SLC24A2: variants seen among roughly 807,000 people sequenced by gnomAD.
SLC24A2 encodes the protein solute carrier family 24 member 2, also known as sodium/potassium/calcium exchanger 2.
Under a neutral mutation model 62.0 loss-of-function variants are expected in SLC24A2, and 36 were observed. The observed-to-expected ratio is 0.58, with a 90% confidence interval of 0.44 to 0.77. The LOEUF (loss-of-function observed/expected upper bound fraction) is 0.77, where lower values mean the gene tolerates loss of function less well. Among genes scored for constraint, SLC24A2 ranks in the 30% least tolerant of loss-of-function variants. The pLI, the probability that SLC24A2 is intolerant of heterozygous loss-of-function variation, is 0.00. For missense variants in SLC24A2, 846 were observed against 817.9 expected (o/e 1.03, Z -0.42); for synonymous variants, 358 against 294.0 (o/e 1.22, Z -2.23).
At chr9:20,063,789 G>A in the SLC24A2 span, among the ~76,000 whole-genome samples, 1 of 152,106 alleles carries the variant, frequency 6.6e-6, no homozygotes. Flanking sequence ...GACATCATTA[G>A]TTATTAAGGA....
chr9:20,130,208 T>C, the SLC24A2 span, among the ~76,000 whole-genome samples: 1 of 152,046 alleles, frequency 6.6e-6, no homozygotes, highest in Non-Finnish European at 1.5e-5. Flanking sequence ...ACCATTGTCT[T>C]AGACACTGAA....
the SLC24A2 span, among the ~76,000 whole-genome samples, chr9:19,979,922 C>A: frequency 6.6e-6 from 1 of 152,142 alleles, no homozygotes; most frequent in Non-Finnish European, 1.5e-5. Flanking sequence ...TGGCTACTCA[C>A]CAAATTCAAC....
At chr9:19,621,350 C>G (rs1032081675) in intron 3 of SLC24A2, among the ~76,000 whole-genome samples, 1 of 152,214 alleles carries the variant, frequency 6.6e-6, no homozygotes, top group Non-Finnish European at 1.5e-5. Context: ...TGTTCTGGTA[C>G]TGGATCAGGT....
the SLC24A2 span, among the ~76,000 whole-genome samples, chr9:20,208,385 T>C: frequency 1.3e-5 from 2 of 152,198 alleles, no homozygotes; most frequent in Admixed American, 1.3e-4. Context: ...TAAGCTTAAG[T>C]GCTTCATTTT....
At chr9:20,266,986 G>A in the SLC24A2 span, among the ~76,000 whole-genome samples, 1 of 151,446 alleles carries the variant, frequency 6.6e-6, no homozygotes, top group Non-Finnish European at 1.5e-5. Context: ...GGTAGCTGAG[G>A]CAGGAACATC....
chr9:19,647,068 G>GCACACA (rs142480390), intron 2 of SLC24A2, among the ~76,000 whole-genome samples: 3,014 of 79,992 alleles, frequency 0.038, 47 homozygotes, highest in Admixed American at 0.05. Context: ...ACACACGCGC[G>GCACACA]CACACACACA....
the SLC24A2 span, among the ~76,000 whole-genome samples, chr9:20,219,767 T>A: frequency 2.0e-3 from 301 of 152,288 alleles, 1 homozygote; most frequent in Middle Eastern, 3.4e-3. Context: ...ACTGAAAATT[T>A]ACTAGACTTG....
rs76567421 is a variant in SLC24A2 at position 19,623,751 on chromosome 9, C to G, written c.931-1452G>C. Among the ~76,000 whole-genome samples the G allele has an allele frequency of 3.8e-3, 581 of 152,236 alleles. 4 individuals are homozygous for G. The highest frequency in any genetic ancestry group is 0.013 in the African/African-American group (531 of 41,536). ...TTAATAATTTTGATTTTTGTAGACA[C>G]CTTTTTGGATTCTGGAGTCAATACC... On this transcript the variant is annotated intron_variant, in intron 2 of 10. Coordinates refer to ENST00000341998, the MANE Select transcript of SLC24A2 (RefSeq NM_020344.4).
chr9:20,057,421 A>G, the SLC24A2 span, among the ~76,000 whole-genome samples: 19 of 152,296 alleles, frequency 1.2e-4, no homozygotes, highest in African/African-American at 4.3e-4. Context: ...GGGTAGATTT[A>G]TCATATTTAC....
chr9:19,731,250 C>G (rs919097218), intron 2 of SLC24A2, among the ~76,000 whole-genome samples: 1 of 152,154 alleles, frequency 6.6e-6, no homozygotes. Context: ...ACTAGTATAA[C>G]TTATCTTCTC....
intron 10 of SLC24A2, among the ~76,000 whole-genome samples, chr9:19,516,953 T>A (rs562911946): frequency 1.6e-4 from 24 of 152,350 alleles, no homozygotes; most frequent in Admixed American, 4.6e-4. Context: ...CTGGGAAAGA[T>A]GTTGACAATT....
chr9:19,711,773 G>C (rs1222335790), intron 2 of SLC24A2, among the ~76,000 whole-genome samples: 2 of 152,102 alleles, frequency 1.3e-5, no homozygotes, highest in Non-Finnish European at 2.9e-5. Flanking sequence ...TCATACCTTA[G>C]AACAAAATCT....
chr9:19,820,005 A>ATG, the SLC24A2 span, among the ~76,000 whole-genome samples: 15 of 125,252 alleles, frequency 1.2e-4, no homozygotes, highest in South Asian at 1.5e-3. Flanking sequence ...ATATATATAT[A>ATG]TGTGTATATA....
intron 10 of SLC24A2, among the ~76,000 whole-genome samples, chr9:19,518,502 A>G (rs1186537469): frequency 1.3e-5 from 2 of 150,514 alleles, no homozygotes; most frequent in Admixed American, 6.6e-5. Context: ...GTTCACTGCA[A>G]CCTCCACCTC....
the SLC24A2 span, among the ~76,000 whole-genome samples, chr9:19,988,726 A>G: frequency 2.0e-5 from 3 of 152,328 alleles, no homozygotes; most frequent in African/African-American, 4.8e-5. Context: ...GGAAGTACCA[A>G]TGCAGGCAGG....
At chr9:19,879,096 CT>C in the SLC24A2 span, among the ~76,000 whole-genome samples, 4 of 152,110 alleles carry the variant, frequency 2.6e-5, no homozygotes, top group Non-Finnish European at 4.4e-5. Flanking sequence ...TCCTCCTTGT[CT>C]TTTTTTCTGT....
the SLC24A2 span, among the ~76,000 whole-genome samples, chr9:20,230,910 A>G: frequency 2.0e-5 from 3 of 152,294 alleles, no homozygotes; most frequent in Admixed American, 2.0e-4. Context: ...TAATTTTTGC[A>G]TAACGTGTAA....
chr9:19,508,759 A>T lies in SLC24A2; in HGVS notation c.*7394T>A, dbSNP rs1458591571. On this transcript the variant is annotated 3_prime_UTR_variant, in exon 11 of 11. Coordinates refer to ENST00000341998, the MANE Select transcript of SLC24A2 (RefSeq NM_020344.4). ...CACTGAGCTATGATTGCACCACTGCACTCTAGCCTGGGTGACAGAGCAAGA... is the reference window on the plus strand; with the variant it reads ...CACTGAGCTATGATTGCACCACTGCTCTCTAGCCTGGGTGACAGAGCAAGA... The T allele has an allele frequency of 6.6e-6, 1 of 151,758 alleles. No individual in the cohort carries two copies. The highest frequency in any genetic ancestry group is 1.9e-4 in the East Asian group (1 of 5,152). The allele number at this position is 151,758 out of a possible 1,614,324, so 9.4% of individuals were successfully genotyped here.
Position 19,786,728 on chromosome 9 carries a change from C to CCAGACCCAT in SLC24A2, c.130_138dup (p.Met44_Leu46dup). On this transcript the variant is annotated inframe_insertion, in exon 2 of 11. Transcript: ENST00000341998. The surrounding 1 kb of genome is among the most constrained non-coding windows in gnomAD (Gnocchi z 5.0). ...GAAAATGAGACAGTGCTAATGGCTA[C>CCAGACCCAT]CAGACCCATGAAAAGGCCTAAGACT... 6.2e-7 allele frequency: 1 copy of CCAGACCCAT among 1,605,816 alleles called. No individual in the cohort carries two copies. The highest frequency in any genetic ancestry group is 8.5e-7 in the Non-Finnish European group (1 of 1,175,526).
Sources: allele counts gnomAD v4.1 joint callset (sites outside exome capture counted in the v4.1 genomes callset), GRCh38; gene constraint gnomAD v4.1.1; non-coding constraint Gnocchi (gnomAD v3.1); transcripts MANE v1.5; gene names NCBI Gene and HGNC (gene_info 2026-07-23, HGNC 2026-07-21).